WDR91: variants seen among roughly 807,000 people sequenced by gnomAD.
WDR91 encodes WD repeat domain 91.
WDR91 carries 52 observed loss-of-function variants against 88.4 expected under a neutral mutation model. The observed-to-expected ratio is 0.59, with a 90% CI of 0.47 to 0.74. The LOEUF (loss-of-function observed/expected upper bound fraction) is 0.74. Ranked by LOEUF, WDR91 falls within the 30% of genes least tolerant of loss-of-function variation. The pLI is 0.00. For synonymous variants in WDR91, 362 were observed against 389.5 expected (o/e 0.93, Z 0.83); for missense variants, 824 against 954.5 (o/e 0.86, Z 1.80).
chr7:135,206,096 C>T (rs1831768025), intron 4 of WDR91, 38 bp from the exon 5 acceptor site: 1 of 1,613,748 alleles, frequency 6.2e-7, no homozygotes, highest in South Asian at 1.1e-5. Flanking sequence ...AATGATCTCA[C>T]CTAACCTTCC....
At chr7:135,205,204 G>A (rs184472120) in intron 5 of WDR91, among the ~76,000 whole-genome samples, 5 of 152,262 alleles carry the variant, frequency 3.3e-5, no homozygotes, top group South Asian at 2.1e-4. Context: ...TCTTTAAACC[G>A]TCAGAGAGGT....
At chr7:135,206,940 G>T in intron 4 of WDR91, 180 bp downstream of exon 4, 1 of 335,536 alleles carries the variant, frequency 3.0e-6, no homozygotes, top group Non-Finnish European at 5.8e-6. Flanking sequence ...CTCGCCTCTG[G>T]TTTTCAGAGA....
Position 135,196,180 on chromosome 7 carries a change from T to C in WDR91, c.1208A>G (p.Glu403Gly), listed in dbSNP as rs367832476. 2 of 1,591,772 alleles carry C rather than the reference T, an allele frequency of 1.3e-6. No individual in the cohort carries two copies. The highest frequency in any genetic ancestry group is 8.6e-7 in the Non-Finnish European group (1 of 1,168,132). The change falls in exon 8 of 15, where the codon GAG becomes GGG. Residue 403 changes from glutamate (E) to glycine (G), a missense_variant. By Grantham distance (98) the Glu-to-Gly change is moderately conservative. Coordinates refer to ENST00000354475, the MANE Select transcript of WDR91 (RefSeq NM_014149.4). The surrounding 1 kb of genome is among the most constrained non-coding windows in gnomAD (Gnocchi z 4.2). ...GATGGATGAGTGGTGTTCCCCGTAC[T>C]CCTCCTGTCCCAGCACAATAAAGGG... ...EQPFIVLGQEEYGEHHSSIMH... is the reference protein window; with the variant it reads ...EQPFIVLGQEGYGEHHSSIMH...
Sources: allele counts gnomAD v4.1 joint callset (sites outside exome capture counted in the v4.1 genomes callset), GRCh38; gene constraint gnomAD v4.1.1; non-coding constraint Gnocchi (gnomAD v3.1); transcripts MANE v1.5; gene names NCBI Gene and HGNC (gene_info 2026-07-23, HGNC 2026-07-21).